Variants in SV2C observed in about 807,000 individuals in gnomAD.
The protein encoded by SV2C is synaptic vesicle glycoprotein 2C.
A neutral mutation model predicts 79.7 loss-of-function variants in SV2C; 49 were observed. That is an observed-to-expected ratio of 0.61 (90% CI 0.49 to 0.78). The LOEUF (loss-of-function observed/expected upper bound fraction) is 0.78. SV2C is among the 30% of genes least tolerant of loss of function. The pLI, the probability that SV2C is intolerant of heterozygous loss-of-function variation, is 0.00. For missense variants in SV2C, 833 were observed against 912.9 expected (o/e 0.91, Z 1.13); for synonymous variants, 334 against 333.2 (o/e 1.00, Z -0.03).
At chr5:75,893,951 T>A in the SV2C span, among the ~76,000 whole-genome samples, 2 of 151,792 alleles carry the variant, frequency 1.3e-5, no homozygotes, top group Admixed American at 6.6e-5. Flanking sequence ...GAAAATAAGG[T>A]GAATTGTGGG....
At chr5:75,926,705 T>C in the SV2C span, among the ~76,000 whole-genome samples, 3 of 152,200 alleles carry the variant, frequency 2.0e-5, no homozygotes, top group African/African-American at 7.2e-5. Flanking sequence ...GGCCAGACTG[T>C]GCATATGATC....
chr5:75,994,855 G>A, the SV2C span, among the ~76,000 whole-genome samples: 1 of 152,124 alleles, frequency 6.6e-6, no homozygotes, highest in Non-Finnish European at 1.5e-5. Flanking sequence ...AATTCAGTAT[G>A]AGTTCAAAGG....
chr5:75,920,772 T>C, the SV2C span: 9 of 779,256 alleles, frequency 1.2e-5, no homozygotes, highest in African/African-American at 5.1e-5. Flanking sequence ...TTGGGTCCCG[T>C]TGGGGTGCTT....
chr5:76,209,483 T>C (rs1382377324), intron 3 of SV2C, among the ~76,000 whole-genome samples: 3 of 152,230 alleles, frequency 2.0e-5, no homozygotes, highest in Non-Finnish European at 2.9e-5. Context: ...ATCAACCACC[T>C]GAGACAAACA....
chr5:76,095,178 T>C (rs1383036267), intron 1 of SV2C, among the ~76,000 whole-genome samples: 1 of 151,984 alleles, frequency 6.6e-6, no homozygotes, highest in Non-Finnish European at 1.5e-5. Flanking sequence ...TATTTTTGAG[T>C]GGTTTATAGA....
chr5:76,338,750 T>C (rs533432129), downstream of SV2C, among the ~76,000 whole-genome samples: 3 of 151,144 alleles, frequency 2.0e-5, no homozygotes, highest in South Asian at 6.3e-4. Flanking sequence ...CTCCACCTCC[T>C]GGGTTCAAGC....
At chr5:75,974,488 G>A in the SV2C span, among the ~76,000 whole-genome samples, 3 of 151,978 alleles carry the variant, frequency 2.0e-5, no homozygotes, top group East Asian at 1.9e-4. Context: ...TGGAATGACC[G>A]TTCTTCTCAT....
At chr5:76,078,820 C>A, upstream of SV2C, 2 of 587,368 alleles carry the variant, frequency 3.4e-6, no homozygotes, top group Non-Finnish European at 6.8e-6. Flanking sequence ...AACCTACAGA[C>A]AGAAACACAA....
chr5:76,227,006 A>G (rs1745267905), intron 4 of SV2C, among the ~76,000 whole-genome samples: 1 of 152,148 alleles, frequency 6.6e-6, no homozygotes, highest in African/African-American at 2.4e-5. Context: ...AGAGATTGGA[A>G]GTGATGACAG....
chr5:76,337,116 AC>A (rs1242869763), downstream of SV2C, among the ~76,000 whole-genome samples: 1 of 152,072 alleles, frequency 6.6e-6, no homozygotes, highest in Non-Finnish European at 1.5e-5. Flanking sequence ...ACAAAATACC[AC>A]AGACTGGGTG....
chr5:76,156,326 T>G (rs1190847144), intron 2 of SV2C, among the ~76,000 whole-genome samples: 1 of 152,154 alleles, frequency 6.6e-6, no homozygotes, highest in Non-Finnish European at 1.5e-5. Flanking sequence ...ATCAGAGGCT[T>G]CATTCTATGG....
chr5:76,268,020 A>G (rs540233301), intron 4 of SV2C, among the ~76,000 whole-genome samples: 1 of 152,256 alleles, frequency 6.6e-6, no homozygotes, highest in Admixed American at 6.5e-5. Flanking sequence ...AGGGGAATAC[A>G]TTTTCAACGA....
the SV2C span, among the ~76,000 whole-genome samples, chr5:75,898,891 A>G: frequency 6.6e-6 from 1 of 152,104 alleles, no homozygotes; most frequent in South Asian, 2.1e-4. Flanking sequence ...GGTAGTTTGT[A>G]TTTCTGTGGG....
chr5:76,021,063 T>C, the SV2C span, among the ~76,000 whole-genome samples: 1 of 152,206 alleles, frequency 6.6e-6, no homozygotes, highest in East Asian at 1.9e-4. Flanking sequence ...GAAGAAATCA[T>C]TGGTCTATCC....
the SV2C span, among the ~76,000 whole-genome samples, chr5:76,038,210 A>G: frequency 6.6e-6 from 1 of 152,208 alleles, no homozygotes; most frequent in South Asian, 2.1e-4. Context: ...CTTCTTATTT[A>G]TTCTTCTTCC....
chr5:75,955,222 G>A, the SV2C span, among the ~76,000 whole-genome samples: 2 of 151,302 alleles, frequency 1.3e-5, no homozygotes, highest in African/African-American at 4.9e-5. Flanking sequence ...ACAGAACAGA[G>A]CCCTCAGAAA....
At chr5:76,061,884 G>A in the SV2C span, among the ~76,000 whole-genome samples, 32 of 152,178 alleles carry the variant, frequency 2.1e-4, no homozygotes, top group African/African-American at 6.3e-4. Context: ...AAGTAATCAC[G>A]ATGATATTAA....
At chr5:75,930,226 CAT>C in the SV2C span, among the ~76,000 whole-genome samples, 1 of 152,056 alleles carries the variant, frequency 6.6e-6, no homozygotes, top group Non-Finnish European at 1.5e-5. Context: ...CCCTTCTTGA[CAT>C]ATTATTGTCA....
intron 1 of SV2C, among the ~76,000 whole-genome samples, chr5:76,126,592 A>G (rs916325869): frequency 6.6e-5 from 10 of 152,176 alleles, no homozygotes; most frequent in Non-Finnish European, 4.4e-5. Flanking sequence ...GCTGGCAGGT[A>G]GTTCACCATT....
Sources: allele counts gnomAD v4.1 joint callset (sites outside exome capture counted in the v4.1 genomes callset), GRCh38; gene constraint gnomAD v4.1.1; transcripts MANE v1.5; gene names NCBI Gene and HGNC (gene_info 2026-07-23, HGNC 2026-07-21).